The following PHF20L1 variants were observed in gnomAD, a reference collection of about 807,000 sequenced individuals.
The protein encoded by PHF20L1 is PHD finger protein 20 like 1, also known as PHD finger protein 20-like protein 1.
A neutral mutation model predicts 125.5 loss-of-function variants in PHF20L1; 44 were observed. The observed-to-expected ratio is 0.35, with a 90% confidence interval of 0.28 to 0.45. PHF20L1 has a LOEUF of 0.45. Ranked by LOEUF, PHF20L1 falls within the 20% of genes least tolerant of loss-of-function variation. PHF20L1 has a pLI of 1.00. For synonymous variants in PHF20L1, 380 were observed against 403.1 expected (o/e 0.94, Z 0.69); for missense variants, 1,012 against 1,217.2 (o/e 0.83, Z 2.51).
chr8:132,831,205 A>G (rs1157194386), intron 14 of PHF20L1, among the ~76,000 whole-genome samples: 1 of 152,002 alleles, frequency 6.6e-6, no homozygotes, highest in East Asian at 1.9e-4. Flanking sequence ...TTTTTATTGC[A>G]TTAGGGTAAA....
chr8:132,792,079 G>C (rs1831786218), intron 2 of PHF20L1, among the ~76,000 whole-genome samples: 1 of 152,094 alleles, frequency 6.6e-6, no homozygotes, highest in Non-Finnish European at 1.5e-5. Flanking sequence ...CAAATATATA[G>C]AGTTGTATAG....
chr8:132,824,270 C>T, intron 13 of PHF20L1: 3 of 377,186 alleles, frequency 8.0e-6, no homozygotes, highest in Non-Finnish European at 4.8e-6. Flanking sequence ...AAGAGAGTCT[C>T]TTGCTTTCTC....
intron 2 of PHF20L1, among the ~76,000 whole-genome samples, chr8:132,788,001 C>G (rs919286881): frequency 2.0e-5 from 3 of 152,008 alleles, no homozygotes; most frequent in Non-Finnish European, 2.9e-5. Context: ...AGATGAAGTT[C>G]TTATCCACAA....
intron 18 of PHF20L1, among the ~76,000 whole-genome samples, chr8:132,840,154 GAACA>G (rs1563854529): frequency 2.0e-5 from 3 of 151,966 alleles, no homozygotes; most frequent in Admixed American, 2.0e-4. Flanking sequence ...TTCTTTAAAA[GAACA>G]AACAAACAAA....
chr8:132,813,511 C>T (rs146849137), intron 9 of PHF20L1, among the ~76,000 whole-genome samples: 4 of 151,996 alleles, frequency 2.6e-5, no homozygotes, highest in Non-Finnish European at 2.9e-5. Flanking sequence ...AGAAAATGAT[C>T]GTTCATATTC....
At chr8:132,819,741 G>A (rs1295096157) in intron 12 of PHF20L1, among the ~76,000 whole-genome samples, 1 of 151,480 alleles carries the variant, frequency 6.6e-6, no homozygotes, top group African/African-American at 2.4e-5. Flanking sequence ...TGTTTTGTTG[G>A]TGTCCATATT....
rs770589369 is a variant in PHF20L1, at chr8:132,817,497, CCTT to C, written c.1536_1538del (p.Ser513del). 7.4e-6 allele frequency: 12 copies of C among 1,612,086 alleles called. No individual in the cohort carries two copies. The highest frequency in any genetic ancestry group is 4.0e-5 in the African/African-American group (3 of 74,784). ...AGAGGATACACAGATGCTTCCAAATCCTTCTTCCAAAGCAATAGCTGATGGAAG... is the reference window on the plus strand; with the variant it reads ...AGAGGATACACAGATGCTTCCAAATCCTTCCAAAGCAATAGCTGATGGAAG... On this transcript the variant is annotated inframe_deletion, in exon 12 of 21. Transcript: ENST00000395386.
At chr8:132,783,184 CTT>C (rs981960541) in intron 2 of PHF20L1, among the ~76,000 whole-genome samples, 4 of 152,070 alleles carry the variant, frequency 2.6e-5, no homozygotes, top group Admixed American at 6.5e-5. Flanking sequence ...TCCTCTGACT[CTT>C]TTGGAATATT....
intron 2 of PHF20L1, among the ~76,000 whole-genome samples, chr8:132,789,334 A>G (rs907063907): frequency 2.6e-5 from 4 of 152,164 alleles, no homozygotes; most frequent in African/African-American, 4.8e-5. Flanking sequence ...AATATGCTAT[A>G]GGAGTTTAGA....
intron 2 of PHF20L1, among the ~76,000 whole-genome samples, chr8:132,778,488 G>C (rs771667491): frequency 2.0e-4 from 31 of 152,182 alleles, no homozygotes; most frequent in Non-Finnish European, 4.1e-4. Flanking sequence ...TGCAAAATAG[G>C]CTGTCCTTTC....
At chr8:132,842,483 C>A in intron 18 of PHF20L1, 32 bp from the exon 19 acceptor site, 3 of 1,407,814 alleles carry the variant, frequency 2.1e-6, no homozygotes, top group Non-Finnish European at 1.9e-6. Flanking sequence ...TTTTTTTTTT[C>A]TGAACTGCTG....
intron 8 of PHF20L1, chr8:132,810,051 T>G (rs1834193567): frequency 6.7e-6 from 1 of 148,606 alleles, no homozygotes; most frequent in Non-Finnish European, 1.5e-5. Flanking sequence ...AATACTGTCT[T>G]TTTTTTTTTT....
At chr8:132,838,565 A>G (rs1837613771) in intron 17 of PHF20L1, 1 of 152,168 alleles carries the variant, frequency 6.6e-6, no homozygotes, top group Admixed American at 6.6e-5. Flanking sequence ...CCAGGCAGGA[A>G]ATAACTAGGT....
intron 4 of PHF20L1, among the ~76,000 whole-genome samples, chr8:132,796,891 C>T (rs1020154119): frequency 1.3e-5 from 2 of 152,094 alleles, no homozygotes; most frequent in African/African-American, 2.4e-5. Flanking sequence ...TCATTGCCCT[C>T]TACATTAATT....
chr8:132,791,836 C>T (rs984735748), intron 2 of PHF20L1, among the ~76,000 whole-genome samples: 1 of 152,164 alleles, frequency 6.6e-6, no homozygotes, highest in Non-Finnish European at 1.5e-5. Flanking sequence ...CTATGACTTA[C>T]CCTAAAGAGG....
At chr8:132,811,516 G>T in intron 9 of PHF20L1, 6 of 988,292 alleles carry the variant, frequency 6.1e-6, no homozygotes, top group Non-Finnish European at 6.0e-6. Flanking sequence ...CTTTTATATT[G>T]TAACAATTGG....
At chr8:132,808,100 TTTA>T (rs924654769) in intron 8 of PHF20L1, 1 of 153,658 alleles carries the variant, frequency 6.5e-6, no homozygotes, top group African/African-American at 2.4e-5. Context: ...TTTGTTCCAT[TTTA>T]TTGTTTATAT....
chr8:132,786,545 AT>A (rs1160981786), intron 2 of PHF20L1, among the ~76,000 whole-genome samples: 1 of 152,120 alleles, frequency 6.6e-6, no homozygotes, highest in Non-Finnish European at 1.5e-5. Flanking sequence ...AGCCCCCTAT[AT>A]TGAAACACTG....
chr8:132,813,394 T>C (rs1834600869), intron 9 of PHF20L1, among the ~76,000 whole-genome samples: 1 of 152,004 alleles, frequency 6.6e-6, no homozygotes, highest in Admixed American at 6.6e-5. Flanking sequence ...ATGCTGTCTA[T>C]AGAGCATTGA....
Sources: gnomAD v4.1 joint callset for allele counts (sites outside exome capture counted in the v4.1 genomes callset) on GRCh38, gnomAD v4.1.1 for gene constraint, MANE v1.5 for transcripts, NCBI Gene and HGNC (gene_info 2026-07-23, HGNC 2026-07-21) for gene names.